The following ENTREP1 variants were observed in gnomAD, a reference collection of about 807,000 sequenced individuals.
ENTREP1 encodes the protein Friedreich ataxia region gene X123.
the ENTREP1 span, among the ~76,000 whole-genome samples, chr9:69,372,083 C>G: frequency 6.6e-6 from 1 of 152,164 alleles, no homozygotes; most frequent in African/African-American, 2.4e-5. Context: ...GGACAGCAGG[C>G]TGTTATCATG....
chr9:69,365,544 A>G, the ENTREP1 span, among the ~76,000 whole-genome samples: 4 of 152,128 alleles, frequency 2.6e-5, no homozygotes, highest in Non-Finnish European at 4.4e-5. Context: ...ACTTCTAGCT[A>G]TTTCAAAATA....
chr9:69,330,787 C>T, the ENTREP1 span, among the ~76,000 whole-genome samples: 4 of 152,162 alleles, frequency 2.6e-5, no homozygotes, highest in African/African-American at 9.7e-5. Flanking sequence ...CTCAGTTACT[C>T]ATCTGTCAAA....
At chr9:69,392,043 T>C in the ENTREP1 span, 5 of 555,752 alleles carry the variant, frequency 9.0e-6, no homozygotes. Flanking sequence ...GATCCTCTTC[T>C]TCCTCTGCTG....
the ENTREP1 span, chr9:69,391,937 G>A: frequency 3.5e-6 from 3 of 868,892 alleles, no homozygotes; most frequent in South Asian, 3.4e-5. Context: ...GTTGGCTCCC[G>A]TGTCTGCTGA....
chr9:69,388,043 A>C, the ENTREP1 span: 13,840 of 1,591,350 alleles, frequency 8.7e-3, 913 homozygotes, highest in African/African-American at 0.16. Context: ...GTGCATGGCT[A>C]TCAGCATTTG....
the ENTREP1 span, among the ~76,000 whole-genome samples, chr9:69,367,766 CAT>C: frequency 9.6e-3 from 758 of 79,340 alleles, 22 homozygotes; most frequent in Non-Finnish European, 0.012. Flanking sequence ...TATATATACA[CAT>C]ATATATAAAT....
the ENTREP1 span, among the ~76,000 whole-genome samples, chr9:69,352,204 C>T: frequency 1.5e-4 from 23 of 152,010 alleles, no homozygotes; most frequent in Admixed American, 8.5e-4. Context: ...GCAACCTCTC[C>T]ACCTCCCAGG....
At chr9:69,367,668 CACACATATATAAATATATATAT>C in the ENTREP1 span, among the ~76,000 whole-genome samples, 572 of 43,952 alleles carry the variant, frequency 0.013, 13 homozygotes, top group South Asian at 0.025. Flanking sequence ...TATATATATA[CACACATATATAAATATATATAT>C]ACACATATAT....
chr9:69,392,040 T>G, the ENTREP1 span: 3 of 565,458 alleles, frequency 5.3e-6, no homozygotes, highest in Non-Finnish European at 9.5e-6. Flanking sequence ...TTTGATCCTC[T>G]TCTTCCTCTG....
chr9:69,354,254 A>ATTT, the ENTREP1 span, among the ~76,000 whole-genome samples: 14,154 of 105,544 alleles, frequency 0.13, 1,971 homozygotes, highest in African/African-American at 0.21. Context: ...CTATTGCAAC[A>ATTT]TTTTTTTTTT....
At chr9:69,374,695 T>C in the ENTREP1 span, among the ~76,000 whole-genome samples, 1 of 152,174 alleles carries the variant, frequency 6.6e-6, no homozygotes, top group Non-Finnish European at 1.5e-5. Context: ...TTAAGAATGC[T>C]GCTATTGAAA....
At chr9:69,340,403 C>T in the ENTREP1 span, among the ~76,000 whole-genome samples, 1 of 152,308 alleles carries the variant, frequency 6.6e-6, no homozygotes, top group Admixed American at 6.5e-5. Flanking sequence ...AAAAGGGTCA[C>T]TGTGACCTAG....
At chr9:69,387,724 G>A in the ENTREP1 span, 1 of 382,938 alleles carries the variant, frequency 2.6e-6, no homozygotes. Flanking sequence ...CATCTGACAA[G>A]TCTTGTCTCT....
At chr9:69,371,469 T>A in the ENTREP1 span, 4 of 1,407,702 alleles carry the variant, frequency 2.8e-6, no homozygotes, top group Admixed American at 5.0e-5. Flanking sequence ...TGTTATCTTT[T>A]ACTAACTGTC....
At chr9:69,328,256 A>G in the ENTREP1 span, among the ~76,000 whole-genome samples, 1 of 152,172 alleles carries the variant, frequency 6.6e-6, no homozygotes, top group Non-Finnish European at 1.5e-5. Flanking sequence ...GTGAGATTAA[A>G]TTCTCTTATT....
At chr9:69,386,039 C>A in the ENTREP1 span, 2 of 1,242,310 alleles carry the variant, frequency 1.6e-6, no homozygotes, top group Non-Finnish European at 2.1e-6. Context: ...AGCTCAGGAC[C>A]CTGCAGTTTA....
At chr9:69,376,394 A>G in the ENTREP1 span, among the ~76,000 whole-genome samples, 5 of 152,226 alleles carry the variant, frequency 3.3e-5, no homozygotes, top group African/African-American at 1.2e-4. Context: ...ATAAGCAACA[A>G]CTATAATAAG....
chr9:69,383,204 A>G, the ENTREP1 span: 9 of 808,978 alleles, frequency 1.1e-5, no homozygotes, highest in East Asian at 1.0e-3. Context: ...ACCAAAGTAT[A>G]TGATTCAGTA....
the ENTREP1 span, among the ~76,000 whole-genome samples, chr9:69,357,856 G>A: frequency 1.3e-5 from 2 of 152,094 alleles, no homozygotes; most frequent in African/African-American, 4.8e-5. Flanking sequence ...CAGTGCCATC[G>A]TGTTGTGTTC....
Sources: gnomAD v4.1 joint callset for allele counts (sites outside exome capture counted in the v4.1 genomes callset) on GRCh38, gnomAD v4.1.1 for gene constraint, MANE v1.5 for transcripts, NCBI Gene and HGNC (gene_info 2026-07-23, HGNC 2026-07-21) for gene names.